The following CLINT1 variants were observed in gnomAD, a reference collection of about 807,000 sequenced individuals.
CLINT1 encodes clathrin interacting protein localized in the trans-Golgi region.
Under a neutral mutation model 70.4 loss-of-function variants are expected in CLINT1, and 15 were observed. That is an observed-to-expected ratio of 0.21 (90% CI 0.14 to 0.33). The LOEUF (loss-of-function observed/expected upper bound fraction) is 0.33, where lower values mean the gene tolerates loss of function less well. CLINT1 is among the 10% of genes least tolerant of loss of function. CLINT1 has a pLI of 1.00. For missense variants in CLINT1, 615 were observed against 778.1 expected, an observed-to-expected ratio of 0.79 and a Z score of 2.49; for synonymous variants, 227 against 254.7, an observed-to-expected ratio of 0.89 and a Z score of 1.04.
chr5:157,834,549 C>T (rs1461484226), intron 1 of CLINT1, among the ~76,000 whole-genome samples: 1 of 152,132 alleles, frequency 6.6e-6, no homozygotes, highest in Non-Finnish European at 1.5e-5. Flanking sequence ...CCTATCTAGC[C>T]TTTTCTCTCA....
chr5:157,832,457 G>A (rs984454138), intron 1 of CLINT1, among the ~76,000 whole-genome samples: 1 of 152,056 alleles, frequency 6.6e-6, no homozygotes, highest in South Asian at 2.1e-4. Context: ...TACCATCTTT[G>A]GGGAACTATT....
At chr5:157,842,630 T>A (rs930564849) in intron 1 of CLINT1, among the ~76,000 whole-genome samples, 1 of 152,212 alleles carries the variant, frequency 6.6e-6, no homozygotes, top group Non-Finnish European at 1.5e-5. Context: ...TATTTGAAAG[T>A]TGCTTTGCAA....
intron 6 of CLINT1, 72 bp downstream of exon 6, chr5:157,809,556 A>T: frequency 7.1e-7 from 1 of 1,416,100 alleles, no homozygotes; most frequent in Non-Finnish European, 9.4e-7. Flanking sequence ...AAAACCAACA[A>T]AAAACCAAAA....
chr5:157,819,141 A>T (rs950794339), intron 1 of CLINT1, among the ~76,000 whole-genome samples: 6 of 152,188 alleles, frequency 3.9e-5, no homozygotes, highest in African/African-American at 1.4e-4. Context: ...AAACACTTCA[A>T]TTTCTTCATG....
chr5:157,806,062 T>A lies in CLINT1; in HGVS notation c.746A>T (p.Glu249Val), dbSNP rs1353341855. 6.2e-7 allele frequency: 1 copy of A among 1,614,008 alleles called. No individual in the cohort carries two copies. The highest frequency in any genetic ancestry group is 1.7e-5 in the Admixed American group (1 of 60,024). The change falls in exon 7 of 12, where the codon GAA becomes GTA. Residue 249 changes from glutamate (E) to valine (V), a missense_variant. By Grantham distance (121) the Glu-to-Val change is moderately radical. Transcript: ENST00000411809. ...CACAGTCTCCTCTTCATCTTTGAATTCACCTTTGGGAGATCTGCCTCTTCT... is the reference window on the plus strand; with the variant it reads ...CACAGTCTCCTCTTCATCTTTGAATACACCTTTGGGAGATCTGCCTCTTCT... ...KARRGRSPKG[E>V]FKDEEETVTT...
intron 1 of CLINT1, among the ~76,000 whole-genome samples, chr5:157,848,084 G>A (rs1753443048): frequency 6.6e-6 from 1 of 152,108 alleles, no homozygotes; most frequent in Non-Finnish European, 1.5e-5. Context: ...TGGGATACAG[G>A]TGTGAGCCAC....
intron 1 of CLINT1, among the ~76,000 whole-genome samples, chr5:157,838,129 T>TG (rs1487278936): frequency 6.6e-6 from 1 of 150,710 alleles, no homozygotes; most frequent in Non-Finnish European, 1.5e-5. Context: ...TTTGTTTTTT[T>TG]TTTTTTTTTG....
intron 9 of CLINT1, among the ~76,000 whole-genome samples, chr5:157,792,277 G>C (rs2113130653): frequency 6.6e-6 from 1 of 152,286 alleles, no homozygotes; most frequent in African/African-American, 2.4e-5. Flanking sequence ...GCCAGGCATG[G>C]TGGCTCACGC....
At chr5:157,812,308 G>A (rs1418203632) in intron 5 of CLINT1, among the ~76,000 whole-genome samples, 2 of 152,146 alleles carry the variant, frequency 1.3e-5, no homozygotes, top group African/African-American at 4.8e-5. Flanking sequence ...CACAGCACTG[G>A]CCAGTCTGCA....
chr5:157,806,711 T>C (rs952008999), intron 6 of CLINT1, among the ~76,000 whole-genome samples: 3 of 152,202 alleles, frequency 2.0e-5, no homozygotes, highest in African/African-American at 2.4e-5. Context: ...TATTTTACTA[T>C]AGTATCAGGA....
chr5:157,827,304 T>C (rs540020504), intron 1 of CLINT1, among the ~76,000 whole-genome samples: 16 of 152,262 alleles, frequency 1.1e-4, no homozygotes, highest in African/African-American at 2.6e-4. Flanking sequence ...ATTGAAAAGA[T>C]AGGAACTTAT....
In CLINT1 at chr5:157,791,954, C is replaced by G. The variant is rs762877606; in HGVS notation, c.1129G>C (p.Ala377Pro). The change falls in exon 10 of 12, where the codon GCC becomes CCC. Residue 377 changes from alanine (A) to proline (P), a missense_variant. Ala to Pro is a conservative substitution (Grantham distance 27). Coordinates refer to ENST00000411809, the MANE Select transcript of CLINT1 (RefSeq NM_014666.4). ...GGGCCTGATGGGGCTTGGTTGAAGG[C>G]ACTCCAGTCACCAAAGTCTCCATTC... ...SGNGDFGDWS[A>P]FNQAPSGPVA... The G allele has an allele frequency of 6.2e-7, 1 of 1,613,912 alleles. No individual in the cohort carries two copies. Among genetic ancestry groups the G allele is most frequent in the South Asian group, 1.1e-5 (1 of 91,066 alleles).
chr5:157,827,452 AAAAAAAATAT>A, intron 1 of CLINT1, among the ~76,000 whole-genome samples: 1 of 151,972 alleles, frequency 6.6e-6, no homozygotes, highest in East Asian at 1.9e-4. Flanking sequence ...GATCCAAAAC[AAAAAAAATAT>A]TTAAACCAGG....
intron 9 of CLINT1, among the ~76,000 whole-genome samples, chr5:157,794,524 C>G (rs1457359793): frequency 6.6e-6 from 1 of 152,064 alleles, no homozygotes; most frequent in Non-Finnish European, 1.5e-5. Flanking sequence ...TGGCCTGATC[C>G]CAGTGTTCCT....
intron 3 of CLINT1, 138 bp from the exon 4 acceptor site, chr5:157,814,431 T>G (rs1762651594): frequency 1.6e-6 from 1 of 617,172 alleles, no homozygotes; most frequent in African/African-American, 1.8e-5. Context: ...ACATTAGACT[T>G]TAAACACATA....
At chr5:157,797,967 G>A (rs1762112848) in intron 8 of CLINT1, among the ~76,000 whole-genome samples, 1 of 152,158 alleles carries the variant, frequency 6.6e-6, no homozygotes, top group Non-Finnish European at 1.5e-5. Flanking sequence ...ATGGAAAGAT[G>A]TATGTAACTA....
intron 1 of CLINT1, among the ~76,000 whole-genome samples, chr5:157,823,278 C>T (rs919177512): frequency 1.3e-5 from 2 of 152,102 alleles, no homozygotes; most frequent in African/African-American, 4.8e-5. Context: ...TTAATACTCT[C>T]CTGTATTTTC....
intron 5 of CLINT1, among the ~76,000 whole-genome samples, chr5:157,812,110 C>A (rs1413154604): frequency 6.6e-6 from 1 of 152,074 alleles, no homozygotes; most frequent in Non-Finnish European, 1.5e-5. Context: ...CATCCTTAAA[C>A]AGCTAACTAA....
chr5:157,839,720 A>AATCTATCTATCTATCTATCTATCT (rs10632085), intron 1 of CLINT1, among the ~76,000 whole-genome samples: 1 of 148,408 alleles, frequency 6.7e-6, no homozygotes, highest in African/African-American at 2.5e-5. Context: ...TTACAACAAA[A>AATCTATCTATCTATCTATCTATCT]ATCTATCTAT....
Sources: allele counts gnomAD v4.1 joint callset (sites outside exome capture counted in the v4.1 genomes callset), GRCh38; gene constraint gnomAD v4.1.1; transcripts MANE v1.5; gene names NCBI Gene and HGNC (gene_info 2026-07-23, HGNC 2026-07-21).